The following ARID4B variants were observed in gnomAD, a reference collection of about 807,000 sequenced individuals.
ARID4B encodes AT-rich interaction domain 4B.
Under a neutral mutation model 147.5 loss-of-function variants are expected in ARID4B, and 26 were observed. That is an observed-to-expected ratio of 0.18 (90% CI 0.13 to 0.24). The LOEUF (loss-of-function observed/expected upper bound fraction) is 0.24, where lower values mean the gene tolerates loss of function less well. ARID4B is among the 10% of genes least tolerant of loss of function. The pLI is 1.00. For synonymous variants in ARID4B, 512 were observed against 507.9 expected, an observed-to-expected ratio of 1.01 and a Z score of -0.11; for missense variants, 1,179 against 1,511.5, an observed-to-expected ratio of 0.78 and a Z score of 3.65.
At chr1:235,210,186 C>T (rs143713461) in intron 17 of ARID4B, among the ~76,000 whole-genome samples, 4 of 152,152 alleles carry the variant, frequency 2.6e-5, no homozygotes, top group African/African-American at 9.6e-5. Context: ...GATTGCACCA[C>T]TGCACTCCAG....
At chr1:235,216,525 T>C (rs1455461014) in intron 16 of ARID4B, among the ~76,000 whole-genome samples, 1 of 151,988 alleles carries the variant, frequency 6.6e-6, no homozygotes, top group Non-Finnish European at 1.5e-5. Context: ...GTATTTTTAG[T>C]AGAGATGGGG....
intron 2 of ARID4B, among the ~76,000 whole-genome samples, chr1:235,289,433 C>A (rs1382425062): frequency 6.6e-6 from 1 of 151,980 alleles, no homozygotes; most frequent in Admixed American, 6.6e-5. Context: ...TTTTTAGAGA[C>A]CAACCATTCA....
intron 8 of ARID4B, among the ~76,000 whole-genome samples, chr1:235,236,862 A>ATATATATATATATATATATTTT (rs1426582533): frequency 1.1e-4 from 2 of 17,490 alleles, no homozygotes; most frequent in Non-Finnish European, 1.9e-4. Flanking sequence ...ATATATATAT[A>ATATATATATATATATATATTTT]TTTTTTTTTT....
At chr1:235,245,318 G>A (rs560158939) in intron 7 of ARID4B, among the ~76,000 whole-genome samples, 4 of 152,180 alleles carry the variant, frequency 2.6e-5, no homozygotes, top group Non-Finnish European at 4.4e-5. Context: ...GTTGGGGAAC[G>A]ACAGAAGAGG....
chr1:235,235,689 G>T (rs1037540983), intron 8 of ARID4B, among the ~76,000 whole-genome samples: 2 of 152,094 alleles, frequency 1.3e-5, no homozygotes, highest in African/African-American at 4.8e-5. Context: ...ATTACAGCTT[G>T]AAAGGGTGAT....
At chr1:235,186,987 T>C (rs1664728395) in intron 19 of ARID4B, 2 of 331,004 alleles carry the variant, frequency 6.0e-6, no homozygotes, top group Non-Finnish European at 1.2e-5. Context: ...TGAGCCACTG[T>C]GCCTGGCCTT....
chr1:235,236,370 A>AT (rs757576857), intron 8 of ARID4B, among the ~76,000 whole-genome samples: 58 of 152,132 alleles, frequency 3.8e-4, no homozygotes, highest in African/African-American at 1.3e-3. Context: ...AAATCCTTAG[A>AT]TTTTTCATTT....
chr1:235,182,374 T>C lies in ARID4B; in HGVS notation c.2545A>G (p.Lys849Glu), dbSNP rs1664375126. Reference protein sequence around the residue: ...PGKKEEKAKNKESLCMENSSN... With the variant: ...PGKKEEKAKNEESLCMENSSN... ...CTGTTTTCCATGCAAAGTGATTCTT[T>C]GTTCTTGGCCTTCTCTTCCTTTTTG... is the stretch of plus-strand genomic sequence containing the variant. Residue 849 changes from lysine to glutamate, a missense_variant, in exon 20 of 24, where the codon AAA (lysine) becomes GAA (glutamate). Around this residue, in one of 10 missense-constraint regions of ARID4B, gnomAD observed 321 missense variants for 342.4 expected, o/e 0.94. Coordinates refer to ENST00000264183, the MANE Select transcript of ARID4B (RefSeq NM_016374.6). 1 of 1,611,220 alleles carries C rather than the reference T, an allele frequency of 6.2e-7. No homozygotes were observed. Among genetic ancestry groups the C allele is most frequent in the Non-Finnish European group, 8.5e-7 (1 of 1,179,468 alleles).
At chr1:235,292,108 T>C (rs941100388) in intron 2 of ARID4B, among the ~76,000 whole-genome samples, 2 of 152,234 alleles carry the variant, frequency 1.3e-5, no homozygotes, top group Non-Finnish European at 2.9e-5. Context: ...ATAATACAGA[T>C]ACAACTTATA....
chr1:235,195,257 A>G (rs1665412681), intron 18 of ARID4B, among the ~76,000 whole-genome samples: 1 of 152,168 alleles, frequency 6.6e-6, no homozygotes, highest in South Asian at 2.1e-4. Flanking sequence ...AATTTTCCAT[A>G]TGAGCTCCTA....
At chr1:235,304,883 T>A (rs148450817) in intron 2 of ARID4B, among the ~76,000 whole-genome samples, 1 of 152,344 alleles carries the variant, frequency 6.6e-6, no homozygotes, top group East Asian at 1.9e-4. Flanking sequence ...TAAATACTAA[T>A]CTCATTTTAT....
chr1:235,189,426 C>T (rs1460792456), intron 19 of ARID4B, among the ~76,000 whole-genome samples: 16 of 113,308 alleles, frequency 1.4e-4, no homozygotes, highest in Non-Finnish European at 2.5e-4. Flanking sequence ...AAAAAAAAAT[C>T]ATTGAAAACT....
At chr1:235,179,514 A>C (rs1256873667) in intron 20 of ARID4B, among the ~76,000 whole-genome samples, 2 of 122,110 alleles carry the variant, frequency 1.6e-5, no homozygotes, top group African/African-American at 3.2e-5. Flanking sequence ...CAAGAGCAAA[A>C]CTCTATGTCT....
chr1:235,321,335 G>A (rs1241748962), intron 2 of ARID4B, among the ~76,000 whole-genome samples: 1 of 152,108 alleles, frequency 6.6e-6, no homozygotes, highest in Non-Finnish European at 1.5e-5. Flanking sequence ...TAGATATGAG[G>A]TTAACATTCA....
chr1:235,218,792 A>G (rs1415934525), intron 16 of ARID4B, among the ~76,000 whole-genome samples: 1 of 152,052 alleles, frequency 6.6e-6, no homozygotes, highest in African/African-American at 2.4e-5. Flanking sequence ...CTATATTCAT[A>G]TAAGCCCCAT....
At chr1:235,293,566 T>A (rs1456153195) in intron 2 of ARID4B, among the ~76,000 whole-genome samples, 1 of 152,116 alleles carries the variant, frequency 6.6e-6, no homozygotes, top group Non-Finnish European at 1.5e-5. Flanking sequence ...TAGTATAAAT[T>A]GTAAGCAAAA....
chr1:235,253,576 A>G (rs1017034722), intron 5 of ARID4B, among the ~76,000 whole-genome samples: 1 of 152,246 alleles, frequency 6.6e-6, no homozygotes, highest in Non-Finnish European at 1.5e-5. Flanking sequence ...ATCATGTTAC[A>G]TATACATTTA....
intron 2 of ARID4B, among the ~76,000 whole-genome samples, chr1:235,283,540 C>T (rs1671793551): frequency 6.6e-6 from 1 of 152,194 alleles, no homozygotes; most frequent in Admixed American, 6.5e-5. Flanking sequence ...TACTTTCTAC[C>T]ATGAGTTTTT....
intron 20 of ARID4B, 128 bp downstream of exon 20, chr1:235,181,457 A>T: frequency 7.8e-7 from 1 of 1,285,784 alleles, no homozygotes; most frequent in South Asian, 1.5e-5. Flanking sequence ...TAAAATTTCC[A>T]TTTTTACCAT....
Sources: allele counts gnomAD v4.1 joint callset (sites outside exome capture counted in the v4.1 genomes callset), GRCh38; gene constraint gnomAD v4.1.1; regional missense constraint gnomAD v4.1.1; transcripts MANE v1.5; gene names NCBI Gene and HGNC (gene_info 2026-07-23, HGNC 2026-07-21).